CCR5AS: variants seen among roughly 807,000 people sequenced by gnomAD.
CCR5AS encodes the protein CCR5 antisense RNA.
At chr3:46,373,850 T>G in intron 2 of CCR5AS, 4 of 1,614,054 alleles carry the variant, frequency 2.5e-6, no homozygotes, top group Non-Finnish European at 3.4e-6. Flanking sequence ...AAAAGCACAT[T>G]GCCAAACGCT....
chr3:46,374,660 G>A (rs142957506), intron 2 of CCR5AS: 2 of 167,392 alleles, frequency 1.2e-5, no homozygotes, highest in East Asian at 3.9e-4. Flanking sequence ...GACAGAGCTG[G>A]TTGGGAAGAC....
chr3:46,394,037 T>G (rs1352953624), intron 1 of CCR5AS, among the ~76,000 whole-genome samples: 1 of 152,216 alleles, frequency 6.6e-6, no homozygotes, highest in Non-Finnish European at 1.5e-5. Context: ...AGCCAATCTT[T>G]TTCCCTTCTC....
intron 1 of CCR5AS, among the ~76,000 whole-genome samples, chr3:46,394,971 CT>C (rs780260630): frequency 6.1e-4 from 93 of 152,128 alleles, no homozygotes; most frequent in Non-Finnish European, 1.0e-3. Flanking sequence ...CGGATTGCCC[CT>C]GGCGATGTGG....
rs901568493 is a variant in CCR5AS at position 46,395,368 on chromosome 3, G to T, written n.164-2316C>A. On this transcript the variant is annotated intron_variant and non_coding_transcript_variant, in intron 1 of 3. Coordinates refer to ENST00000451485, the Ensembl canonical transcript of CCR5AS. The stretch of plus-strand genomic sequence containing the variant: ...TCTGGGGTCACAGGCAGTGGATGCC[G>T]TAGGGGTGGACTCAATAGCTCAAGC... Among the ~76,000 whole-genome samples, 4 of 152,108 alleles carry T rather than the reference G, an allele frequency of 2.6e-5. No individual in the cohort carries two copies. The South Asian group carries it at 8.3e-4, about 32-fold the overall frequency.
At chr3:46,372,724 T>TC (rs1701679984) in intron 2 of CCR5AS, 1 of 514,628 alleles carries the variant, frequency 1.9e-6, no homozygotes, top group Non-Finnish European at 3.4e-6. Flanking sequence ...CAGCAAACCT[T>TC]CCCTTCACTA....
intron 2 of CCR5AS, among the ~76,000 whole-genome samples, chr3:46,378,275 C>A (rs1701782183): frequency 6.6e-6 from 1 of 151,966 alleles, no homozygotes; most frequent in Non-Finnish European, 1.5e-5. Flanking sequence ...TATATATTGT[C>A]ATATGACATA....
chr3:46,398,618 C>T (rs1286498684), intron 1 of CCR5AS, among the ~76,000 whole-genome samples: 1 of 152,178 alleles, frequency 6.6e-6, no homozygotes, highest in Non-Finnish European at 1.5e-5. Context: ...AGCACATTGT[C>T]CTGGTCTATG....
chr3:46,378,785 G>A (rs536556191), intron 2 of CCR5AS, among the ~76,000 whole-genome samples: 49 of 152,218 alleles, frequency 3.2e-4, no homozygotes, highest in African/African-American at 8.9e-4. Context: ...GATGCCTGTC[G>A]TGGAATGAAG....
At chr3:46,395,131 T>C (rs1559575366) in intron 1 of CCR5AS, among the ~76,000 whole-genome samples, 1 of 152,070 alleles carries the variant, frequency 6.6e-6, no homozygotes, top group Admixed American at 6.6e-5. Context: ...AAGGGAGGAC[T>C]TGGATTATCA....
intron 2 of CCR5AS, among the ~76,000 whole-genome samples, chr3:46,382,791 A>G (rs956310804): frequency 6.6e-6 from 1 of 152,228 alleles, no homozygotes; most frequent in Non-Finnish European, 1.5e-5. Context: ...GGCATATTAT[A>G]AATAATAAAT....
At chr3:46,365,978 T>C (rs565299576) in intron 3 of CCR5AS, among the ~76,000 whole-genome samples, 2 of 152,352 alleles carry the variant, frequency 1.3e-5, no homozygotes, top group South Asian at 4.1e-4. Context: ...CCTCTCCTTT[T>C]GCAAGTCCCC....
chr3:46,406,150 G>A (rs11574431), intron 1 of CCR5AS, among the ~76,000 whole-genome samples: 8,344 of 152,210 alleles, frequency 0.055, 758 homozygotes, highest in African/African-American at 0.19. Context: ...AGCTGGGGCT[G>A]TAGGAATGCG....
intron 2 of CCR5AS, among the ~76,000 whole-genome samples, chr3:46,378,926 A>G (rs1701787227): frequency 6.6e-6 from 1 of 151,902 alleles, no homozygotes; most frequent in South Asian, 2.1e-4. Context: ...GTTTCTCTCT[A>G]TAATCCTGTA....
chr3:46,384,506 G>T (rs975857695), intron 2 of CCR5AS, among the ~76,000 whole-genome samples: 1 of 152,188 alleles, frequency 6.6e-6, no homozygotes, highest in African/African-American at 2.4e-5. Flanking sequence ...GAAAAGAAAT[G>T]ATTTGGGGGC....
intron 3 of CCR5AS, among the ~76,000 whole-genome samples, chr3:46,366,015 C>G (rs1701595019): frequency 6.6e-6 from 1 of 152,202 alleles, no homozygotes; most frequent in African/African-American, 2.4e-5. Flanking sequence ...CTTCAGAGCC[C>G]CTTTCTTTGG....
In CCR5AS at chr3:46,390,671, G is replaced by A. The variant is rs146071536; in HGVS notation, n.391+2154C>T. On this transcript the variant is annotated intron_variant and non_coding_transcript_variant, in intron 2 of 3. Coordinates refer to ENST00000451485, the Ensembl canonical transcript of CCR5AS. ...AACAGGTCTTGAGTTGGGTAAAAGT[G>A]CAGCAAAGAGATGTGGCTGCAGCCC... is the stretch of plus-strand genomic sequence containing the variant. 3.7e-3 allele frequency among the ~76,000 whole-genome samples: 569 copies of A among 152,264 alleles called. 4 individuals carry two copies. The highest frequency in any genetic ancestry group is 0.013 in the African/African-American group (538 of 41,534).
At chr3:46,394,662 G>C (rs984912787) in intron 1 of CCR5AS, among the ~76,000 whole-genome samples, 3 of 152,214 alleles carry the variant, frequency 2.0e-5, no homozygotes, top group Middle Eastern at 3.2e-3. Context: ...TTTGTATCTG[G>C]AATGGGGTGG....
At chr3:46,385,586 C>G (rs1446359550) in intron 2 of CCR5AS, among the ~76,000 whole-genome samples, 1 of 152,176 alleles carries the variant, frequency 6.6e-6, no homozygotes, top group African/African-American at 2.4e-5. Flanking sequence ...CACCACAGCT[C>G]TGAGAAATCT....
intron 2 of CCR5AS, among the ~76,000 whole-genome samples, chr3:46,389,116 G>A (rs947884613): frequency 8.5e-6 from 1 of 118,086 alleles, no homozygotes; most frequent in African/African-American, 3.4e-5. Context: ...ACTGCGTAGA[G>A]CTCTGTTGCA....
Sources: gnomAD v4.1 joint callset for allele counts (sites outside exome capture counted in the v4.1 genomes callset) on GRCh38, gnomAD v4.1.1 for gene constraint, MANE v1.5 for transcripts, NCBI Gene and HGNC (gene_info 2026-07-23, HGNC 2026-07-21) for gene names.